The following ANKRD44 variants were observed in gnomAD, a reference collection of about 807,000 sequenced individuals.
ANKRD44 encodes the protein serine/threonine-protein phosphatase 6 regulatory ankyrin repeat subunit B.
Under a neutral mutation model 116.0 loss-of-function variants are expected in ANKRD44, and 35 were observed. The ratio of observed to expected loss-of-function variants is 0.30; its 90% CI spans 0.23 to 0.40. The LOEUF is 0.40. Ranked by LOEUF, ANKRD44 falls within the 10% of genes least tolerant of loss-of-function variation. The pLI is 1.00. For missense variants in ANKRD44, 1,014 were observed against 1,242.6 expected, an observed-to-expected ratio of 0.82 and a Z score of 2.77; for synonymous variants, 435 against 461.8, an observed-to-expected ratio of 0.94 and a Z score of 0.74.
intron 1 of ANKRD44, among the ~76,000 whole-genome samples, chr2:197,260,394 C>G (rs964271490): frequency 6.6e-6 from 1 of 152,170 alleles, no homozygotes; most frequent in Non-Finnish European, 1.5e-5. Flanking sequence ...TCATCCATGT[C>G]CCTACAAAGG....
chr2:197,107,008 G>A (rs4241194), intron 9 of ANKRD44, among the ~76,000 whole-genome samples: 95,327 of 151,854 alleles, frequency 0.63, 33,824 homozygotes, highest in East Asian at 0.95. Context: ...TCTCTTTACC[G>A]TTTGTCATTT....
In ANKRD44 at chr2:197,196,126, C is replaced by T. The variant is rs149520725; in HGVS notation, c.28-9020G>A. Among the ~76,000 whole-genome samples, 196 of 152,284 alleles carry T rather than the reference C, an allele frequency of 1.3e-3. 1 individual carries two copies. The highest frequency in any genetic ancestry group is 4.6e-3 in the African/African-American group (192 of 41,564). On this transcript the variant is annotated intron_variant, in intron 1 of 27. Coordinates refer to ENST00000282272, the MANE Select transcript of ANKRD44 (RefSeq NM_001195144.2). ...AAAAATTGGTATAGAGGTTTTATTT[C>T]TCATCTTGGCTTGGGTTACATTCTT...
At chr2:197,139,823 T>C (rs1006586077) in intron 3 of ANKRD44, among the ~76,000 whole-genome samples, 4 of 148,662 alleles carry the variant, frequency 2.7e-5, no homozygotes, top group African/African-American at 1.0e-4. Flanking sequence ...ATGAAAATAA[T>C]GGGGGAGGGG....
intron 1 of ANKRD44, among the ~76,000 whole-genome samples, chr2:197,204,387 G>T (rs996113844): frequency 1.1e-4 from 17 of 151,840 alleles, no homozygotes; most frequent in Non-Finnish European, 2.5e-4. Context: ...TATCATTTTT[G>T]TAAACATAAA....
intron 1 of ANKRD44, chr2:197,263,223 G>A (rs1402397041): frequency 7.8e-6 from 4 of 511,324 alleles, no homozygotes; most frequent in Non-Finnish European, 1.5e-5. Context: ...ACACTGACAG[G>A]TGAGAACCTC....
intron 1 of ANKRD44, among the ~76,000 whole-genome samples, chr2:197,187,861 A>G (rs1286994245): frequency 6.6e-6 from 1 of 152,212 alleles, no homozygotes; most frequent in Non-Finnish European, 1.5e-5. Flanking sequence ...TAAGCCATCC[A>G]GTCTATAGTA....
At position 196,986,673 on chromosome 2, in the gene ANKRD44, T is replaced by A. The variant is rs1408447525; in HGVS notation, c.*2918A>T. On this transcript the variant is annotated 3_prime_UTR_variant, in exon 28 of 28. Transcript: ENST00000282272. ...AATTAAAACACAAATTCCAACAATATTTGTACCGTTTTTATTTGTAAAAAT... is the reference window on the plus strand; with the variant it reads ...AATTAAAACACAAATTCCAACAATAATTGTACCGTTTTTATTTGTAAAAAT... 1 of 964,334 alleles carries A rather than the reference T, an allele frequency of 1.0e-6. No homozygotes were observed. The highest frequency in any genetic ancestry group is 1.1e-4 in the East Asian group (1 of 8,716). 59.7% of individuals were successfully genotyped at this position (964,334 alleles called of 1,614,324 possible).
chr2:197,205,328 C>A (rs1394282003), intron 1 of ANKRD44, among the ~76,000 whole-genome samples: 1 of 152,154 alleles, frequency 6.6e-6, no homozygotes, highest in Non-Finnish European at 1.5e-5. Flanking sequence ...CCCACCTGGC[C>A]AGTAAGGAAG....
chr2:197,164,676 C>G (rs1210788396), intron 2 of ANKRD44, among the ~76,000 whole-genome samples: 2 of 152,182 alleles, frequency 1.3e-5, no homozygotes, highest in African/African-American at 2.4e-5. Context: ...CGGACGTCCG[C>G]TTTCTCGCCA....
chr2:197,146,793 A>G (rs2079516444), intron 3 of ANKRD44, among the ~76,000 whole-genome samples: 1 of 152,226 alleles, frequency 6.6e-6, no homozygotes, highest in Non-Finnish European at 1.5e-5. Flanking sequence ...GGGCCTGACT[A>G]GACAGCCAGG....
At chr2:197,082,004 C>G (rs2077809187) in intron 14 of ANKRD44, among the ~76,000 whole-genome samples, 1 of 152,170 alleles carries the variant, frequency 6.6e-6, no homozygotes, top group Non-Finnish European at 1.5e-5. Flanking sequence ...CTATAAACAT[C>G]CTAAACTTCC....
At chr2:197,199,481 A>G (rs971880137) in intron 1 of ANKRD44, among the ~76,000 whole-genome samples, 3 of 152,266 alleles carry the variant, frequency 2.0e-5, no homozygotes, top group African/African-American at 7.2e-5. Flanking sequence ...AAACAGATAA[A>G]GAAAAAACTT....
In ANKRD44 at chr2:197,121,022, C is replaced by T. The variant is rs147847813; in HGVS notation, c.906+310G>A. On this transcript the variant is annotated intron_variant, in intron 8 of 27. Transcript: ENST00000282272. ...TCAGCTCACTGCAACCTCTGTCTCCCGGGTTTAAGCAATTCTCTGCCTCAG... is the reference window on the plus strand; with the variant it reads ...TCAGCTCACTGCAACCTCTGTCTCCTGGGTTTAAGCAATTCTCTGCCTCAG... 3.7e-3 allele frequency among the ~76,000 whole-genome samples: 569 copies of T among 151,776 alleles called. 5 individuals are homozygous for T. Among genetic ancestry groups the T allele is most frequent in the African/African-American group, 0.013 (527 of 41,332 alleles).
intron 2 of ANKRD44, among the ~76,000 whole-genome samples, chr2:197,172,404 TG>T (rs2080261811): frequency 6.6e-6 from 1 of 152,212 alleles, no homozygotes; most frequent in South Asian, 2.1e-4. Context: ...ATGTACTTCC[TG>T]ACACTGTTGA....
chr2:197,047,151 T>C (rs1000972544), intron 16 of ANKRD44, among the ~76,000 whole-genome samples: 4 of 152,060 alleles, frequency 2.6e-5, no homozygotes, highest in African/African-American at 9.7e-5. Context: ...ACCAAGTAGA[T>C]GGGATTACAA....
At chr2:197,290,214 C>G (rs1313713992) in intron 1 of ANKRD44, among the ~76,000 whole-genome samples, 4 of 151,152 alleles carry the variant, frequency 2.6e-5, no homozygotes, top group African/African-American at 7.4e-5. Context: ...TACATTCCCA[C>G]CAACAGTGTA....
Position 197,310,699 on chromosome 2 carries a change from G to GA in ANKRD44, c.-96dup. 2 of 1,223,240 alleles carry GA rather than the reference G, an allele frequency of 1.6e-6. No individual in the cohort carries two copies. The highest frequency in any genetic ancestry group is 1.6e-5 in the South Asian group (1 of 61,484). 75.8% of individuals were successfully genotyped at this position (1,223,240 alleles called of 1,614,324 possible). On this transcript the variant is annotated 5_prime_UTR_variant, in exon 1 of 28. Coordinates refer to ENST00000282272, the MANE Select transcript of ANKRD44 (RefSeq NM_001195144.2). ...AGCGGAAGGGATTGCCAGGAGAAGG[G>GA]AAAAAATCTGGCTCCCGAATTTGAC...
At chr2:196,972,390 G>A (rs1332238433) in intron 21 of ANKRD44, among the ~76,000 whole-genome samples, 3 of 152,046 alleles carry the variant, frequency 2.0e-5, no homozygotes, top group Admixed American at 2.0e-4. Flanking sequence ...TTTTAGTAGA[G>A]AGGATTTCCT....
chr2:197,197,249 A>G (rs532202060), intron 1 of ANKRD44, among the ~76,000 whole-genome samples: 1 of 152,338 alleles, frequency 6.6e-6, no homozygotes, highest in Non-Finnish European at 1.5e-5. Context: ...ATAAGGCAGC[A>G]GGAAGAGAGA....
Sources: gnomAD v4.1 joint callset for allele counts (sites outside exome capture counted in the v4.1 genomes callset) on GRCh38, gnomAD v4.1.1 for gene constraint, MANE v1.5 for transcripts, NCBI Gene and HGNC (gene_info 2026-07-23, HGNC 2026-07-21) for gene names.